TENM3: variants seen among roughly 807,000 people sequenced by gnomAD.
TENM3 encodes the protein teneurin-3.
In TENM3, 63 loss-of-function variants were observed where a neutral mutation model predicts 255.1. That is an observed-to-expected ratio of 0.25 (90% CI 0.20 to 0.30). The LOEUF (loss-of-function observed/expected upper bound fraction) is 0.30. Ranked by LOEUF, TENM3 falls within the 10% of genes least tolerant of loss-of-function variation. TENM3 has a pLI of 1.00. For synonymous variants in TENM3, 1,306 were observed against 1,322.3 expected, an observed-to-expected ratio of 0.99 and a Z score of 0.27; for missense variants, 2,929 against 3,461.1, an observed-to-expected ratio of 0.85 and a Z score of 3.86.
At chr4:182,289,628 C>T (rs1445136675) in intron 1 of TENM3, among the ~76,000 whole-genome samples, 2 of 152,150 alleles carry the variant, frequency 1.3e-5, no homozygotes, top group Non-Finnish European at 2.9e-5. Flanking sequence ...ATATTTTGTT[C>T]TTTTATAAGC....
chr4:182,102,591 T>C, the TENM3 span, among the ~76,000 whole-genome samples: 1 of 152,208 alleles, frequency 6.6e-6, no homozygotes, highest in African/African-American at 2.4e-5. Flanking sequence ...TGTGCTAAAA[T>C]TGTTTCTGAA....
At chr4:181,896,454 A>G in the TENM3 span, among the ~76,000 whole-genome samples, 1 of 152,348 alleles carries the variant, frequency 6.6e-6, no homozygotes, top group South Asian at 2.1e-4. Context: ...GTTAAGAACA[A>G]TGTTCTCAAA....
the TENM3 span, among the ~76,000 whole-genome samples, chr4:181,852,854 C>T: frequency 7.9e-5 from 12 of 152,274 alleles, no homozygotes; most frequent in Non-Finnish European, 1.5e-4. Flanking sequence ...AGAAAGCCAG[C>T]GTAGTGGTGA....
At chr4:182,144,459 C>CGGGGAGAGGGGGAGCGCG (rs1230754161), upstream of TENM3, 1 of 151,780 alleles carries the variant, frequency 6.6e-6, no homozygotes, top group Non-Finnish European at 1.5e-5. Flanking sequence ...GGCCGGCGGG[C>CGGGGAGAGGGGGAGCGCG]GGGGAGAGGG....
chr4:182,664,595 G>T (rs965438117), intron 6 of TENM3, among the ~76,000 whole-genome samples: 2 of 152,182 alleles, frequency 1.3e-5, no homozygotes, highest in Non-Finnish European at 2.9e-5. Flanking sequence ...AGATGAGATC[G>T]GCTGAAAGCT....
the TENM3 span, among the ~76,000 whole-genome samples, chr4:181,780,711 C>T: frequency 6.6e-6 from 1 of 152,308 alleles, no homozygotes; most frequent in East Asian, 1.9e-4. Context: ...AGTCCTTGCA[C>T]ATGCCTATGT....
chr4:182,046,412 T>C, the TENM3 span, among the ~76,000 whole-genome samples: 8 of 151,950 alleles, frequency 5.3e-5, no homozygotes, highest in Admixed American at 5.2e-4. Context: ...CTCAACAAAT[T>C]GTGCACTATA....
intron 1 of TENM3, among the ~76,000 whole-genome samples, chr4:182,189,145 A>G (rs1753349760): frequency 6.6e-6 from 1 of 152,162 alleles, no homozygotes; most frequent in Admixed American, 6.5e-5. Flanking sequence ...ATTGTGAGTT[A>G]TCAGTGCTAT....
chr4:181,748,061 T>C, the TENM3 span, among the ~76,000 whole-genome samples: 1 of 152,048 alleles, frequency 6.6e-6, no homozygotes, highest in Admixed American at 6.6e-5. Context: ...GAGTAAGTGC[T>C]CCTTATTTAC....
intron 3 of TENM3, among the ~76,000 whole-genome samples, chr4:182,509,824 C>G (rs527397312): frequency 3.8e-4 from 58 of 151,372 alleles, no homozygotes; most frequent in African/African-American, 1.4e-3. Flanking sequence ...GTAATCCCAG[C>G]TACTTGGGAG....
chr4:182,016,307 T>C, the TENM3 span, among the ~76,000 whole-genome samples: 1 of 152,250 alleles, frequency 6.6e-6, no homozygotes, highest in African/African-American at 2.4e-5. Context: ...GTAAAACTTT[T>C]TACCCAATTG....
At chr4:181,889,354 A>G in the TENM3 span, among the ~76,000 whole-genome samples, 1 of 152,086 alleles carries the variant, frequency 6.6e-6, no homozygotes, top group Admixed American at 6.5e-5. Flanking sequence ...CCCTTCTGCT[A>G]TGATTAGAAG....
At chr4:182,522,583 T>A (rs1738695261) in intron 3 of TENM3, among the ~76,000 whole-genome samples, 1 of 152,200 alleles carries the variant, frequency 6.6e-6, no homozygotes, top group Admixed American at 6.5e-5. Context: ...TTTTAAAAAA[T>A]TTATTTGTTT....
At chr4:182,720,702 C>T (rs952510599) in intron 13 of TENM3, among the ~76,000 whole-genome samples, 2 of 151,000 alleles carry the variant, frequency 1.3e-5, no homozygotes, top group Non-Finnish European at 2.9e-5. Context: ...ACCACTGCAT[C>T]TTAATGGGTT....
chr4:182,753,535 T>C lies in TENM3; in HGVS notation c.3948T>C (p.Thr1316=). The change falls in exon 21 of 28, where the codon ACT becomes ACC. Residue 1316 remains threonine, a synonymous_variant. Transcript: ENST00000511685. The part of the protein sequence containing the change: ...RKVDQNGIIS[T]LLGSNDLTSA... ...TTGACCAAAATGGAATCATATCAAC[T>C]CTTCTGGGCTCTAACGATTTGACTT... 6.2e-7 allele frequency: 1 copy of C among 1,613,962 alleles called. No homozygotes were observed. The highest frequency in any genetic ancestry group is 8.5e-7 in the Non-Finnish European group (1 of 1,179,852).
intron 5 of TENM3, among the ~76,000 whole-genome samples, chr4:182,630,775 T>TTATTA (rs567434291): frequency 6.7e-6 from 1 of 150,290 alleles, no homozygotes; most frequent in Admixed American, 6.8e-5. Flanking sequence ...TATTATTATT[T>TTATTA]TTTTTTTACT....
chr4:181,981,332 G>C, the TENM3 span, among the ~76,000 whole-genome samples: 1 of 152,090 alleles, frequency 6.6e-6, no homozygotes, highest in African/African-American at 2.4e-5. Context: ...TACGGGCTTT[G>C]GGGCTCCTCA....
chr4:182,100,476 C>T, the TENM3 span, among the ~76,000 whole-genome samples: 2 of 143,598 alleles, frequency 1.4e-5, no homozygotes, highest in African/African-American at 5.1e-5. Context: ...TACACACACA[C>T]ACACACATAT....
intron 3 of TENM3, among the ~76,000 whole-genome samples, chr4:182,438,835 A>G (rs1476429075): frequency 6.6e-6 from 1 of 152,268 alleles, no homozygotes; most frequent in African/African-American, 2.4e-5. Context: ...TTTAAAATTC[A>G]TTTGAATGAT....
Sources: gnomAD v4.1 joint callset for allele counts (sites outside exome capture counted in the v4.1 genomes callset) on GRCh38, gnomAD v4.1.1 for gene constraint, MANE v1.5 for transcripts, NCBI Gene and HGNC (gene_info 2026-07-23, HGNC 2026-07-21) for gene names.